AGTPBP1: variants seen among roughly 807,000 people sequenced by gnomAD.
AGTPBP1 encodes cytosolic carboxypeptidase 1.
A neutral mutation model predicts 143.9 loss-of-function variants in AGTPBP1; 70 were observed. The ratio of observed to expected loss-of-function variants is 0.49; its 90% CI spans 0.40 to 0.59. The LOEUF (loss-of-function observed/expected upper bound fraction) is 0.59. Ranked by LOEUF, AGTPBP1 falls within the 20% of genes least tolerant of loss-of-function variation. AGTPBP1 has a pLI of 0.00. For synonymous variants in AGTPBP1, 463 were observed against 500.2 expected (o/e 0.93, Z 0.99); for missense variants, 1,229 against 1,464.5 (o/e 0.84, Z 2.62).
At chr9:85,724,332 A>C (rs957182454) in intron 1 of AGTPBP1, among the ~76,000 whole-genome samples, 1 of 152,048 alleles carries the variant, frequency 6.6e-6, no homozygotes, top group Non-Finnish European at 1.5e-5. Flanking sequence ...TGTTCTTTAT[A>C]AGCTACCTAC....
intron 8 of AGTPBP1, among the ~76,000 whole-genome samples, chr9:85,667,903 T>TAAAAA (rs11433029): frequency 4.0e-5 from 4 of 99,310 alleles, no homozygotes; most frequent in Admixed American, 1.0e-4. Flanking sequence ...AAGCCAACTG[T>TAAAAA]AAAAAAAAAA....
chr9:85,726,642 T>C (rs1838514685), intron 1 of AGTPBP1, among the ~76,000 whole-genome samples: 1 of 152,248 alleles, frequency 6.6e-6, no homozygotes, highest in Non-Finnish European at 1.5e-5. Flanking sequence ...AGTTTTCCTA[T>C]ACCATTTTGT....
intron 1 of AGTPBP1, among the ~76,000 whole-genome samples, chr9:85,736,084 G>A (rs897162789): frequency 6.6e-6 from 1 of 152,050 alleles, no homozygotes; most frequent in East Asian, 1.9e-4. Context: ...AGCTTTTCAC[G>A]TTGTGCCTTC....
intron 11 of AGTPBP1, 152 bp from the exon 12 acceptor site, chr9:85,646,570 G>C: frequency 1.7e-6 from 1 of 595,432 alleles, no homozygotes; most frequent in East Asian, 2.8e-5. Flanking sequence ...GGCTGTCCCA[G>C]CTGTTGACAA....
At chr9:85,559,448 AATCTT>A (rs1438951030) in intron 25 of AGTPBP1, among the ~76,000 whole-genome samples, 1 of 151,744 alleles carries the variant, frequency 6.6e-6, no homozygotes, top group Non-Finnish European at 1.5e-5. Context: ...AAAAAAAAAA[AATCTT>A]TTTTTTTTTT....
chr9:85,554,276 AAAG>A (rs1826201109), intron 25 of AGTPBP1: 1 of 152,300 alleles, frequency 6.6e-6, no homozygotes, highest in Non-Finnish European at 1.5e-5. Flanking sequence ...AAGGTTCCTG[AAAG>A]AAGGGAGGTG....
At chr9:85,622,250 G>A (rs1366934148) in intron 14 of AGTPBP1, among the ~76,000 whole-genome samples, 4 of 152,170 alleles carry the variant, frequency 2.6e-5, no homozygotes, top group African/African-American at 9.7e-5. Context: ...TGAGAGCAGG[G>A]TGAGAAAGTG....
chr9:85,798,835 G>T, the AGTPBP1 span, among the ~76,000 whole-genome samples: 5 of 151,966 alleles, frequency 3.3e-5, no homozygotes, highest in Non-Finnish European at 7.4e-5. Flanking sequence ...GAGGCAGGAG[G>T]ATCTTTATTA....
At chr9:85,555,144 A>G (rs1282064729) in intron 25 of AGTPBP1, among the ~76,000 whole-genome samples, 1 of 152,236 alleles carries the variant, frequency 6.6e-6, no homozygotes, top group East Asian at 1.9e-4. Context: ...TTCCAAAAAC[A>G]ACAAAAGACT....
chr9:85,781,403 C>CTAG, the AGTPBP1 span: 1 of 1,474,776 alleles, frequency 6.8e-7, no homozygotes, highest in Admixed American at 2.6e-5. Context: ...AACACTGTTT[C>CTAG]TCTAGCATTT....
At chr9:85,801,912 G>A in the AGTPBP1 span, among the ~76,000 whole-genome samples, 3 of 152,158 alleles carry the variant, frequency 2.0e-5, no homozygotes, top group East Asian at 1.9e-4. Context: ...TCACTCTTGC[G>A]GTAATTCTTT....
chr9:85,785,455 A>T, the AGTPBP1 span, among the ~76,000 whole-genome samples: 1 of 152,252 alleles, frequency 6.6e-6, no homozygotes, highest in East Asian at 1.9e-4. Flanking sequence ...CATTTCTCTT[A>T]AGCAAGTTTT....
the AGTPBP1 span, chr9:85,770,171 A>G: frequency 1.4e-6 from 1 of 694,558 alleles, no homozygotes; most frequent in East Asian, 2.7e-5. Flanking sequence ...CTTAAAATGT[A>G]GTACAAGAGT....
intron 7 of AGTPBP1, among the ~76,000 whole-genome samples, chr9:85,670,689 C>A (rs948020777): frequency 1.3e-5 from 2 of 152,090 alleles, no homozygotes; most frequent in South Asian, 2.1e-4. Flanking sequence ...TATAGCAAGA[C>A]CCTGTCTCTA....
At chr9:85,568,247 G>A (rs546586700) in intron 25 of AGTPBP1, among the ~76,000 whole-genome samples, 50 of 152,236 alleles carry the variant, frequency 3.3e-4, no homozygotes, top group Non-Finnish European at 5.7e-4. Context: ...TTATAGGTCT[G>A]GTGATCTAAT....
Position 85,619,148 on chromosome 9 carries a change from AAG to A in AGTPBP1, c.2187-19_2187-18del. 1 of 1,611,276 alleles carries A rather than the reference AAG, an allele frequency of 6.2e-7. No individual in the cohort carries two copies. ...TATTCATTTCTGAAAATAGAAGACA[AAG>A]AAATCTGATGAAAATTAGGAAATAT... On this transcript the variant is annotated intron_variant, in intron 16 of 25. Transcript: ENST00000357081.
chr9:85,758,519 C>T, the AGTPBP1 span, among the ~76,000 whole-genome samples: 1 of 152,012 alleles, frequency 6.6e-6, no homozygotes, highest in Non-Finnish European at 1.5e-5. Context: ...GTTGTGGGCA[C>T]CTGTAATCCC....
intron 11 of AGTPBP1, among the ~76,000 whole-genome samples, chr9:85,650,785 A>T (rs777975352): frequency 9.9e-5 from 15 of 152,194 alleles, no homozygotes; most frequent in Non-Finnish European, 1.9e-4. Context: ...CACTGTTTCT[A>T]CCAATGTCTT....
At chr9:85,679,789 GT>G (rs955259640) in intron 4 of AGTPBP1, among the ~76,000 whole-genome samples, 25 of 151,874 alleles carry the variant, frequency 1.6e-4, no homozygotes, top group Non-Finnish European at 2.1e-4. Flanking sequence ...TATCCATGGT[GT>G]TTTTTTTCTA....
Sources: allele counts gnomAD v4.1 joint callset (sites outside exome capture counted in the v4.1 genomes callset), GRCh38; gene constraint gnomAD v4.1.1; transcripts MANE v1.5; gene names NCBI Gene and HGNC (gene_info 2026-07-23, HGNC 2026-07-21).